The following CFAP77 variants were observed in gnomAD, a reference collection of about 807,000 sequenced individuals.
The protein encoded by CFAP77 is cilia- and flagella-associated protein 77.
In CFAP77, 25 loss-of-function variants were observed where a neutral mutation model predicts 31.1. The observed-to-expected ratio is 0.80, with a 90% CI of 0.59 to 1.12. The LOEUF (loss-of-function observed/expected upper bound fraction) is 1.12, where lower values mean the gene tolerates loss of function less well. CFAP77 is among the 50% of genes most tolerant of loss of function. The probability of loss-of-function intolerance (pLI) is 0.00; values close to 1 mark genes in which losing one functional copy is unlikely to be tolerated. For missense variants in CFAP77, 377 were observed against 397.3 expected (o/e 0.95, Z 0.44); for synonymous variants, 151 against 159.9 (o/e 0.94, Z 0.42).
rs776321618 is a variant in CFAP77 at position 132,498,924 on chromosome 9, G to C, written c.295+130G>C. ...CTGGAGAAAGACCCAGGGACCGCCAGCCTGGGCAGCTGACTGGTAAAACCC... is the reference window on the plus strand; with the variant it reads ...CTGGAGAAAGACCCAGGGACCGCCACCCTGGGCAGCTGACTGGTAAAACCC... On this transcript the variant is annotated intron_variant, in intron 2 of 5. Coordinates refer to ENST00000393216, the MANE Select transcript of CFAP77 (RefSeq NM_001282957.2). This position sits in a 1 kb window ranked among gnomAD's most constrained non-coding sequence, Gnocchi z 4.2. 106 of 673,694 alleles carry C rather than the reference G, an allele frequency of 1.6e-4. No individual in the cohort carries two copies. The highest frequency in any genetic ancestry group is 2.5e-4 in the Non-Finnish European group (100 of 393,920). 41.7% of individuals were successfully genotyped at this position (673,694 alleles called of 1,614,324 possible). A position where few individuals can be genotyped will look rare whatever the true frequency, so the allele number is the denominator to read the frequency against.
intron 1 of CFAP77, among the ~76,000 whole-genome samples, chr9:132,458,220 G>T (rs1261135319): frequency 6.6e-6 from 1 of 152,190 alleles, no homozygotes; most frequent in Non-Finnish European, 1.5e-5. Flanking sequence ...GGAGCCAGGG[G>T]CGCTTGCACA....
intron 5 of CFAP77, among the ~76,000 whole-genome samples, chr9:132,562,509 C>G (rs750991594): frequency 6.6e-5 from 10 of 152,014 alleles, no homozygotes; most frequent in Non-Finnish European, 1.5e-4. Flanking sequence ...GCTTAGGTTC[C>G]ATTCTGTAAA....
chr9:132,499,529 C>T lies in CFAP77; in HGVS notation c.453C>T (p.Asp151=). ...YRQLNDIRIS[D]QDDRRMKKEP... ...AGCTCAATGACATCCGCATCAGTGA[C>T]CAGGATGACCGGCGCATGAAGAAAG... The change falls in exon 3 of 6, where the codon GAC becomes GAT. Residue 151 remains aspartate, a synonymous_variant. Coordinates refer to ENST00000393216, the MANE Select transcript of CFAP77 (RefSeq NM_001282957.2). This position sits in a 1 kb window ranked among gnomAD's most constrained non-coding sequence, Gnocchi z 5.4. 1 of 1,614,196 alleles carries T rather than the reference C, an allele frequency of 6.2e-7. No homozygotes were observed. The highest frequency in any genetic ancestry group is 8.5e-7 in the Non-Finnish European group (1 of 1,180,032).
At chr9:132,568,287 G>A (rs1392142989) in intron 5 of CFAP77, among the ~76,000 whole-genome samples, 1 of 152,216 alleles carries the variant, frequency 6.6e-6, no homozygotes, top group Non-Finnish European at 1.5e-5. Context: ...GGGCGCTGTG[G>A]CTAACGCCTG....
chr9:132,451,326 G>A (rs376729790), intron 1 of CFAP77, among the ~76,000 whole-genome samples: 1 of 138,804 alleles, frequency 7.2e-6, no homozygotes, highest in Admixed American at 7.5e-5. Flanking sequence ...CAACAAGAGC[G>A]AAACTCCATC....
chr9:132,487,443 A>G (rs1851580952), intron 1 of CFAP77, among the ~76,000 whole-genome samples: 1 of 152,092 alleles, frequency 6.6e-6, no homozygotes, highest in African/African-American at 2.4e-5. Flanking sequence ...AAATAGAAAC[A>G]TATAACTTAA....
intron 3 of CFAP77, among the ~76,000 whole-genome samples, chr9:132,529,715 A>G (rs1852404541): frequency 6.6e-6 from 1 of 151,292 alleles, no homozygotes; most frequent in African/African-American, 2.4e-5. Flanking sequence ...AATCCCAGCT[A>G]CTCGGGAGGC....
intron 1 of CFAP77, among the ~76,000 whole-genome samples, chr9:132,462,177 G>A (rs548262415): frequency 2.6e-5 from 4 of 152,236 alleles, no homozygotes; most frequent in Non-Finnish European, 4.4e-5. Flanking sequence ...TCTTGGAGTC[G>A]CAGAAAGGGA....
intron 3 of CFAP77, among the ~76,000 whole-genome samples, chr9:132,507,296 G>T (rs1240285365): frequency 6.6e-6 from 1 of 152,166 alleles, no homozygotes; most frequent in Non-Finnish European, 1.5e-5. Context: ...TGAACAAATG[G>T]CCACATTGGG....
At chr9:132,468,990 G>A (rs558895825) in intron 1 of CFAP77, among the ~76,000 whole-genome samples, 1 of 152,030 alleles carries the variant, frequency 6.6e-6, no homozygotes, top group Non-Finnish European at 1.5e-5. Flanking sequence ...AGAAAGAGAA[G>A]AAAGTCTCTT....
rs1347203926 is a variant in CFAP77 at position 132,481,213 on chromosome 9, A to T, written c.196-17482A>T. ...CCCTTGGGAGCTCTCTGGGCCCAAG[A>T]CTCCCTGCCGCGCTGCTAGACGCTT... is the stretch of plus-strand genomic sequence containing the variant. On this transcript the variant is annotated intron_variant, in intron 1 of 5. Transcript: ENST00000393216. This position sits in a 1 kb window ranked among gnomAD's most constrained non-coding sequence, Gnocchi z 5.0. Among the ~76,000 whole-genome samples, 1 of 151,670 alleles carries T rather than the reference A, an allele frequency of 6.6e-6. No homozygotes were observed.
chr9:132,572,336 G>C (rs1233320836), intron 5 of CFAP77, 52 bp from the exon 6 acceptor site: 2 of 1,582,622 alleles, frequency 1.3e-6, no homozygotes, highest in Non-Finnish European at 1.7e-6. Flanking sequence ...CAACTGGAAT[G>C]AGCTACACTG....
intron 3 of CFAP77, among the ~76,000 whole-genome samples, chr9:132,523,740 G>C (rs1330347267): frequency 6.6e-6 from 1 of 152,122 alleles, no homozygotes; most frequent in Non-Finnish European, 1.5e-5. Flanking sequence ...ATTACAAAAA[G>C]CAATCTCCAT....
At chr9:132,493,565 G>T (rs1307877364) in intron 1 of CFAP77, among the ~76,000 whole-genome samples, 1 of 152,222 alleles carries the variant, frequency 6.6e-6, no homozygotes, top group East Asian at 1.9e-4. Flanking sequence ...GGGGAGGGCA[G>T]CAGGCTGCAG....
intron 1 of CFAP77, among the ~76,000 whole-genome samples, chr9:132,476,455 A>T (rs983673403): frequency 7.9e-5 from 12 of 152,064 alleles, no homozygotes; most frequent in African/African-American, 2.9e-4. Flanking sequence ...AGGGGCACAC[A>T]GGTGGTGTCT....
intron 5 of CFAP77, among the ~76,000 whole-genome samples, chr9:132,546,320 C>T (rs1180723625): frequency 2.6e-5 from 4 of 152,190 alleles, no homozygotes; most frequent in African/African-American, 7.2e-5. Context: ...GTGTCTGTCA[C>T]GTGTGAAGCC....
Position 132,424,936 on chromosome 9 carries a change from G to A in CFAP77, c.195+14470G>A, listed in dbSNP as rs972940479. Reference sequence around the variant, plus strand: ...GAGAGCAAATTGTTATCAGATTAGCGCCAGCAATGAAAAGCACAGTCCCGC... The same window carrying A: ...GAGAGCAAATTGTTATCAGATTAGCACCAGCAATGAAAAGCACAGTCCCGC... On this transcript the variant is annotated intron_variant, in intron 1 of 5. Coordinates refer to ENST00000393216, the MANE Select transcript of CFAP77 (RefSeq NM_001282957.2). This position sits in a 1 kb window ranked among gnomAD's most constrained non-coding sequence, Gnocchi z 4.1. Among the ~76,000 whole-genome samples, 7 of 152,202 alleles carry A rather than the reference G, an allele frequency of 4.6e-5. No homozygotes were observed. In the South Asian group the frequency reaches 6.2e-4, roughly 14 times the overall value.
chr9:132,524,742 G>A (rs1033731636), intron 3 of CFAP77, among the ~76,000 whole-genome samples: 2 of 151,796 alleles, frequency 1.3e-5, no homozygotes, highest in African/African-American at 2.4e-5. Context: ...TCCGCCTCCC[G>A]GGTTCACACC....
chr9:132,569,861 C>T (rs1829934818), intron 5 of CFAP77, among the ~76,000 whole-genome samples: 1 of 151,820 alleles, frequency 6.6e-6, no homozygotes, highest in Admixed American at 6.6e-5. Flanking sequence ...TTAGCCCTCC[C>T]TGTAGCTGGG....
Sources: allele counts gnomAD v4.1 joint callset (sites outside exome capture counted in the v4.1 genomes callset), GRCh38; gene constraint gnomAD v4.1.1; non-coding constraint Gnocchi (gnomAD v3.1); transcripts MANE v1.5; gene names NCBI Gene and HGNC (gene_info 2026-07-23, HGNC 2026-07-21).